HIP1: variants seen among roughly 807,000 people sequenced by gnomAD.
HIP1 encodes huntingtin interacting protein 1.
HIP1 carries 65 observed loss-of-function variants against 147.6 expected under a neutral mutation model. The observed-to-expected ratio is 0.44, with a 90% CI of 0.36 to 0.54. The LOEUF (loss-of-function observed/expected upper bound fraction) is 0.54. Ranked by LOEUF, HIP1 falls within the 20% of genes least tolerant of loss-of-function variation. The probability of loss-of-function intolerance (pLI) is 0.00; values close to 1 mark genes in which losing one functional copy is unlikely to be tolerated. For missense variants in HIP1, 1,061 were observed against 1,299.6 expected, an observed-to-expected ratio of 0.82 and a Z score of 2.82; for synonymous variants, 479 against 504.0, an observed-to-expected ratio of 0.95 and a Z score of 0.67.
At chr7:75,715,774 CAAAAAAAAA>C (rs34769081) in intron 1 of HIP1, among the ~76,000 whole-genome samples, 105 of 36,718 alleles carry the variant, frequency 2.9e-3, no homozygotes, top group African/African-American at 0.012. Context: ...GATCCTGTCT[CAAAAAAAAA>C]AAAAAAAAAA....
chr7:75,655,630 A>G (rs1356496795), intron 1 of HIP1, among the ~76,000 whole-genome samples: 2 of 152,032 alleles, frequency 1.3e-5, no homozygotes, highest in African/African-American at 4.8e-5. Context: ...AAGCAAAGAA[A>G]TAAGCCAGAC....
intron 1 of HIP1, among the ~76,000 whole-genome samples, chr7:75,622,770 G>C (rs1797886215): frequency 6.6e-6 from 1 of 151,908 alleles, no homozygotes; most frequent in Admixed American, 6.6e-5. Flanking sequence ...TTGAGCCCAG[G>C]AGTTGGAGGC....
rs1794035480 is a variant in HIP1, at chr7:75,535,141, T to G, written c.*3031A>C. 4.6e-6 allele frequency: 1 copy of G among 216,070 alleles called. No homozygotes were observed. The highest frequency in any genetic ancestry group is 5.8e-5 in the Admixed American group (1 of 17,160). The allele number at this position is 216,070 out of a possible 1,614,324, so 13.4% of individuals were successfully genotyped here. ...TTCCTCATGTGACACTGAATTAGCC[T>G]CTGCTTCTGTTTAAGTGCTTTCTTA... is the stretch of plus-strand genomic sequence containing the variant. On this transcript the variant is annotated 3_prime_UTR_variant, in exon 31 of 31. Transcript: ENST00000336926.
intron 1 of HIP1, among the ~76,000 whole-genome samples, chr7:75,675,824 T>C (rs1799869404): frequency 6.6e-6 from 1 of 151,968 alleles, no homozygotes; most frequent in Non-Finnish European, 1.5e-5. Context: ...ACAAAAAAAT[T>C]TTAAAAATCA....
intron 1 of HIP1, among the ~76,000 whole-genome samples, chr7:75,620,655 C>T (rs782653480): frequency 3.9e-5 from 6 of 152,046 alleles, no homozygotes; most frequent in Non-Finnish European, 8.8e-5. Flanking sequence ...CATTGCACTC[C>T]AGCCTGGGTG....
At chr7:75,616,178 G>A (rs1563247615) in intron 1 of HIP1, among the ~76,000 whole-genome samples, 1 of 151,608 alleles carries the variant, frequency 6.6e-6, no homozygotes, top group Non-Finnish European at 1.5e-5. Context: ...AGACAAGAAT[G>A]AGAAAGGACA....
chr7:75,691,511 GA>G (rs1290121996), intron 1 of HIP1, among the ~76,000 whole-genome samples: 2 of 150,404 alleles, frequency 1.3e-5, no homozygotes, highest in African/African-American at 4.9e-5. Context: ...AAAACTTCCA[GA>G]ATAGGGCCGG....
At chr7:75,717,543 T>C (rs540747136) in intron 1 of HIP1, among the ~76,000 whole-genome samples, 13 of 151,874 alleles carry the variant, frequency 8.6e-5, no homozygotes, top group African/African-American at 2.9e-4. Context: ...TTAAAAGAAT[T>C]AGCCGGGGCC....
At chr7:75,611,963 G>T in intron 1 of HIP1, 1 of 785,612 alleles carries the variant, frequency 1.3e-6, no homozygotes, top group Non-Finnish European at 1.6e-6. Flanking sequence ...GAAACCCTCT[G>T]GCCTTGCTTG....
At chr7:75,553,404 G>A (rs377518300) in intron 22 of HIP1, 49 bp downstream of exon 22, 4 of 1,593,644 alleles carry the variant, frequency 2.5e-6, no homozygotes, top group Non-Finnish European at 2.6e-6. Context: ...TCACCAGCAC[G>A]CACACCCAGA....
At chr7:75,647,950 C>T (rs1348652189) in intron 1 of HIP1, among the ~76,000 whole-genome samples, 2 of 152,274 alleles carry the variant, frequency 1.3e-5, no homozygotes, top group Non-Finnish European at 2.9e-5. Context: ...AGCAGATACA[C>T]AGGGAGGGTG....
intron 1 of HIP1, among the ~76,000 whole-genome samples, chr7:75,645,629 C>T (rs903307769): frequency 3.9e-5 from 6 of 152,168 alleles, no homozygotes; most frequent in Admixed American, 2.0e-4. Context: ...GCCAAAAAGA[C>T]ACCTGCACTC....
At chr7:75,558,026 A>G (rs2116824774) in intron 15 of HIP1, 141 bp downstream of exon 15, 1 of 709,960 alleles carries the variant, frequency 1.4e-6, no homozygotes, top group South Asian at 1.7e-5. Flanking sequence ...GGAAGCCTGA[A>G]AAGGTGTGGT....
chr7:75,674,245 A>G (rs1799816158), intron 1 of HIP1, among the ~76,000 whole-genome samples: 1 of 152,202 alleles, frequency 6.6e-6, no homozygotes, highest in African/African-American at 2.4e-5. Context: ...TCTTGAATAT[A>G]AGTGGTAAGA....
chr7:75,537,868 C>T lies in HIP1; in HGVS notation c.*304G>A. ...GTCAGCAGGACTGGATGTTGGTCCT[C>T]TCTGTTGAGTGGCCCTGCCCCCCAC... On this transcript the variant is annotated 3_prime_UTR_variant, in exon 31 of 31. Coordinates refer to ENST00000336926, the MANE Select transcript of HIP1 (RefSeq NM_005338.7). 2.2e-6 allele frequency: 1 copy of T among 446,870 alleles called. No individual in the cohort carries two copies. Among genetic ancestry groups the T allele is most frequent in the Non-Finnish European group, 4.1e-6 (1 of 244,716 alleles). 27.7% of individuals were successfully genotyped at this position (446,870 alleles called of 1,614,324 possible). A position where few individuals can be genotyped will look rare whatever the true frequency, so the allele number is the denominator to read the frequency against.
At chr7:75,657,860 AC>A (rs1554512951) in intron 1 of HIP1, among the ~76,000 whole-genome samples, 1 of 151,970 alleles carries the variant, frequency 6.6e-6, no homozygotes, top group African/African-American at 2.4e-5. Flanking sequence ...CATGCGACAA[AC>A]CTGCACATGT....
chr7:75,673,386 G>T (rs1257227573), intron 1 of HIP1, among the ~76,000 whole-genome samples: 2 of 151,950 alleles, frequency 1.3e-5, no homozygotes, highest in African/African-American at 4.8e-5. Flanking sequence ...TATGAATTTT[G>T]GTATCAGCTT....
chr7:75,536,122 G>A lies in HIP1; in HGVS notation c.*2050C>T, dbSNP rs1445746436. Reference sequence around the variant, plus strand: ...CATCAAGAACACACCGATTGGTTTAGTTGCCACAACTGGGACAGGGAAGCC... The same window carrying A: ...CATCAAGAACACACCGATTGGTTTAATTGCCACAACTGGGACAGGGAAGCC... On this transcript the variant is annotated 3_prime_UTR_variant, in exon 31 of 31. Transcript: ENST00000336926. The A allele has an allele frequency of 5.1e-6, 1 of 195,866 alleles. No homozygotes were observed. Among genetic ancestry groups the A allele is most frequent in the Non-Finnish European group, 1.1e-5 (1 of 94,340 alleles). The allele number at this position is 195,866 out of a possible 1,614,324, so 12.1% of individuals were successfully genotyped here.
At chr7:75,626,633 G>GT (rs1798049862) in intron 1 of HIP1, 1 of 152,170 alleles carries the variant, frequency 6.6e-6, no homozygotes, top group African/African-American at 2.4e-5. Context: ...GTGGAAACTG[G>GT]TTTTGAACCC....
Sources: allele counts gnomAD v4.1 joint callset (sites outside exome capture counted in the v4.1 genomes callset), GRCh38; gene constraint gnomAD v4.1.1; transcripts MANE v1.5; gene names NCBI Gene and HGNC (gene_info 2026-07-23, HGNC 2026-07-21).